The following PLEKHA5 variants were observed in gnomAD, a reference collection of about 807,000 sequenced individuals.
The protein encoded by PLEKHA5 is pleckstrin homology domain containing A5, also known as pleckstrin homology domain-containing family A member 5.
In PLEKHA5, 55 loss-of-function variants were observed where a neutral mutation model predicts 181.9. The ratio of observed to expected loss-of-function variants is 0.30; its 90% CI spans 0.24 to 0.38. The LOEUF (loss-of-function observed/expected upper bound fraction) is 0.38. Among genes scored for constraint, PLEKHA5 ranks in the 10% least tolerant of loss-of-function variants. The pLI is 1.00. For missense variants in PLEKHA5, 1,432 were observed against 1,549.5 expected (o/e 0.92, Z 1.27); for synonymous variants, 535 against 529.4 (o/e 1.01, Z -0.15).
intron 3 of PLEKHA5, among the ~76,000 whole-genome samples, chr12:19,174,563 G>A (rs371057531): frequency 5.3e-5 from 8 of 152,220 alleles, no homozygotes; most frequent in South Asian, 2.1e-4. Flanking sequence ...TCTTAGAGGC[G>A]TGGGATTTAC....
chr12:19,280,496 G>A (rs777199331), intron 11 of PLEKHA5, among the ~76,000 whole-genome samples: 1 of 151,902 alleles, frequency 6.6e-6, no homozygotes, highest in Non-Finnish European at 1.5e-5. Context: ...AATCCCTTCG[G>A]GTCCATGTAA....
In PLEKHA5 at chr12:19,269,503, G is replaced by A. The variant is rs1592267728; in HGVS notation, c.712-267G>A. On this transcript the variant is annotated intron_variant, in intron 8 of 31. Coordinates refer to ENST00000429027, the MANE Select transcript of PLEKHA5 (RefSeq NM_001256470.2). Reference sequence around the variant, plus strand: ...ATTTCTCACCTCCTTTCCTTTCCATGCACTCTTTTTTTTTTTTATTTTTAA... The same window carrying A: ...ATTTCTCACCTCCTTTCCTTTCCATACACTCTTTTTTTTTTTTATTTTTAA... Among the ~76,000 whole-genome samples, 3 of 103,496 alleles carry A rather than the reference G, an allele frequency of 2.9e-5. 1 individual carries two copies. The highest frequency in any genetic ancestry group is 9.1e-5 in the African/African-American group (3 of 32,816). 67.9% of individuals were successfully genotyped at this position (103,496 alleles called of 152,430 possible).
chr12:19,233,140 A>G (rs2152398410), intron 3 of PLEKHA5, among the ~76,000 whole-genome samples: 1 of 152,294 alleles, frequency 6.6e-6, no homozygotes, highest in Admixed American at 6.5e-5. Context: ...TTACTTTTGT[A>G]ATTAGTGTTA....
intron 3 of PLEKHA5, among the ~76,000 whole-genome samples, chr12:19,214,654 A>T (rs1323772636): frequency 2.0e-5 from 3 of 152,118 alleles, no homozygotes; most frequent in Admixed American, 2.0e-4. Context: ...TTTGAGGGCA[A>T]CAAATATTTG....
chr12:19,345,756 C>T (rs1198592661), intron 22 of PLEKHA5, 86 bp from the exon 23 acceptor site: 1 of 693,780 alleles, frequency 1.4e-6, no homozygotes, highest in Non-Finnish European at 2.4e-6. Flanking sequence ...AGCAAGACTT[C>T]ATTTCAAAAA....
chr12:19,225,506 G>T (rs747419492), intron 3 of PLEKHA5, among the ~76,000 whole-genome samples: 1 of 151,962 alleles, frequency 6.6e-6, no homozygotes, highest in Non-Finnish European at 1.5e-5. Context: ...ATTTTCCCTC[G>T]TTACATTATG....
Position 19,375,732 on chromosome 12 carries a change from G to A in PLEKHA5, c.*213G>A, listed in dbSNP as rs2095697806. The A allele has an allele frequency of 1.3e-5, 2 of 152,512 alleles. No individual in the cohort carries two copies. The highest frequency in any genetic ancestry group is 1.3e-4 in the Admixed American group (2 of 15,254). The allele number at this position is 152,512 out of a possible 1,614,324, so 9.4% of individuals were successfully genotyped here. On this transcript the variant is annotated 3_prime_UTR_variant, in exon 32 of 32. Coordinates refer to ENST00000429027, the MANE Select transcript of PLEKHA5 (RefSeq NM_001256470.2). Reference sequence around the variant, plus strand: ...CATATGTACACTTCGTAATCTCAAGGTTATTATTCTGACACCAGCTTGCTG... The same window carrying A: ...CATATGTACACTTCGTAATCTCAAGATTATTATTCTGACACCAGCTTGCTG...
At chr12:19,135,405 A>G (rs1194890289) in intron 3 of PLEKHA5, among the ~76,000 whole-genome samples, 1 of 152,046 alleles carries the variant, frequency 6.6e-6, no homozygotes, top group Non-Finnish European at 1.5e-5. Context: ...TCTAAATTCC[A>G]TTTCTAAATT....
chr12:19,349,386 G>T (rs1441002751), intron 25 of PLEKHA5, among the ~76,000 whole-genome samples: 1 of 152,088 alleles, frequency 6.6e-6, no homozygotes, highest in Non-Finnish European at 1.5e-5. Flanking sequence ...AAGGTGTTGG[G>T]ATTACAAGCA....
chr12:19,222,183 A>C (rs954593470), intron 3 of PLEKHA5, among the ~76,000 whole-genome samples: 2 of 152,152 alleles, frequency 1.3e-5, no homozygotes, highest in South Asian at 4.1e-4. Context: ...ATATTTATAC[A>C]CACGCACCCA....
At chr12:19,158,949 G>T (rs1386701177) in intron 3 of PLEKHA5, among the ~76,000 whole-genome samples, 1 of 152,040 alleles carries the variant, frequency 6.6e-6, no homozygotes, top group Non-Finnish European at 1.5e-5. Context: ...CATCATCTCT[G>T]AATTAAAATT....
intron 3 of PLEKHA5, among the ~76,000 whole-genome samples, chr12:19,146,850 C>G (rs1052574918): frequency 4.6e-5 from 7 of 152,122 alleles, no homozygotes; most frequent in African/African-American, 1.7e-4. Context: ...GACTCTCTTA[C>G]CTTAGTTAGC....
At chr12:19,321,088 AC>A (rs760618898) in intron 18 of PLEKHA5, among the ~76,000 whole-genome samples, 1 of 151,254 alleles carries the variant, frequency 6.6e-6, no homozygotes, top group African/African-American at 2.4e-5. Context: ...AATCTCTTGA[AC>A]CCAGGAGGGA....
intron 25 of PLEKHA5, among the ~76,000 whole-genome samples, chr12:19,352,245 C>A (rs769641103): frequency 6.7e-6 from 1 of 150,210 alleles, no homozygotes; most frequent in Non-Finnish European, 1.5e-5. Flanking sequence ...ATTAGCCAGG[C>A]GTGGTAGCAC....
chr12:19,332,755 G>A (rs1018041627), intron 20 of PLEKHA5, among the ~76,000 whole-genome samples: 6 of 152,116 alleles, frequency 3.9e-5, no homozygotes, highest in Non-Finnish European at 8.8e-5. Context: ...CCTGCACCTC[G>A]CTCAAGCGAT....
intron 19 of PLEKHA5, 51 bp from the exon 20 acceptor site, chr12:19,322,467 A>C (rs774658654): frequency 6.3e-7 from 1 of 1,593,702 alleles, no homozygotes; most frequent in Non-Finnish European, 8.6e-7. Flanking sequence ...AAGTAAAAAG[A>C]ATTAATACAA....
chr12:19,246,123 C>A (rs1404669346), intron 3 of PLEKHA5, among the ~76,000 whole-genome samples: 1 of 151,118 alleles, frequency 6.6e-6, no homozygotes, highest in South Asian at 2.1e-4. Flanking sequence ...GGACTACAGG[C>A]GCCCGCCACC....
chr12:19,369,896 C>A, intron 31 of PLEKHA5, 98 bp downstream of exon 31: 1 of 640,012 alleles, frequency 1.6e-6, no homozygotes, highest in Non-Finnish European at 2.7e-6. Flanking sequence ...TAGTTCTGGA[C>A]TGTACATAGG....
At chr12:19,314,668 TA>T (rs1372017022) in intron 15 of PLEKHA5, 145 bp from the exon 16 acceptor site, 5 of 664,718 alleles carry the variant, frequency 7.5e-6, no homozygotes, top group Non-Finnish European at 1.4e-5. Context: ...TTATATGAAT[TA>T]AATCTGTACA....
Sources: allele counts gnomAD v4.1 joint callset (sites outside exome capture counted in the v4.1 genomes callset), GRCh38; gene constraint gnomAD v4.1.1; transcripts MANE v1.5; gene names NCBI Gene and HGNC (gene_info 2026-07-23, HGNC 2026-07-21).